The following EML6 variants were observed in gnomAD, a reference collection of about 807,000 sequenced individuals.
The protein encoded by EML6 is EMAP like 6.
EML6 carries 154 observed loss-of-function variants against 240.1 expected under a neutral mutation model. The ratio of observed to expected loss-of-function variants is 0.64; its 90% CI spans 0.56 to 0.73. EML6 has a LOEUF of 0.73. Ranked by LOEUF, EML6 falls within the 30% of genes least tolerant of loss-of-function variation. The pLI, the probability that EML6 is intolerant of heterozygous loss-of-function variation, is 0.00. For missense variants in EML6, 2,964 were observed against 2,474.6 expected (o/e 1.20, Z -4.20); for synonymous variants, 1,148 against 899.0 (o/e 1.28, Z -4.95).
Position 54,827,559 on chromosome 2 carries a change from A to G in EML6, c.526-7A>G, listed in dbSNP as rs1013330137. On this transcript the variant is annotated splice_region_variant and splice_polypyrimidine_tract_variant and intron_variant, in intron 5 of 41. Coordinates refer to ENST00000356458, the MANE Select transcript of EML6 (RefSeq NM_001039753.4). The stretch of plus-strand genomic sequence containing the variant: ...CTTGGAGATCTATTTTATCACTTAC[A>G]TTGTAGTTTTGGACACTGTGTGGAA... 11 of 1,550,094 alleles carry G rather than the reference A, an allele frequency of 7.1e-6. No individual in the cohort carries two copies. Among genetic ancestry groups the G allele is most frequent in the South Asian group, 2.4e-5 (2 of 84,012 alleles).
chr2:54,952,446 C>A (rs978891861), intron 30 of EML6, 148 bp from the exon 31 acceptor site: 1 of 571,822 alleles, frequency 1.7e-6, no homozygotes, highest in Non-Finnish European at 3.1e-6. Flanking sequence ...CCTTCATCTC[C>A]CCAAGTGTGA....
At chr2:54,845,697 G>C (rs1201645616) in intron 8 of EML6, among the ~76,000 whole-genome samples, 2 of 152,166 alleles carry the variant, frequency 1.3e-5, no homozygotes, top group African/African-American at 4.8e-5. Flanking sequence ...ATGCATGATG[G>C]ATGAGGTATT....
chr2:54,829,970 G>A (rs947477445), intron 7 of EML6, among the ~76,000 whole-genome samples: 4 of 152,120 alleles, frequency 2.6e-5, no homozygotes, highest in South Asian at 4.1e-4. Flanking sequence ...CTCAAATTTC[G>A]GGGCATCTGT....
At chr2:54,816,106 C>G (rs1014229253) in intron 3 of EML6, among the ~76,000 whole-genome samples, 4 of 152,174 alleles carry the variant, frequency 2.6e-5, no homozygotes, top group African/African-American at 9.7e-5. Context: ...ATAATACTTT[C>G]TCCTTATAAG....
intron 2 of EML6, among the ~76,000 whole-genome samples, chr2:54,743,958 A>C (rs1357319736): frequency 6.6e-6 from 1 of 152,154 alleles, no homozygotes; most frequent in African/African-American, 2.4e-5. Flanking sequence ...GGAAGAACCC[A>C]TTCTGGAAGA....
At chr2:54,825,522 C>T (rs1166204729) in intron 5 of EML6, among the ~76,000 whole-genome samples, 2 of 152,288 alleles carry the variant, frequency 1.3e-5, no homozygotes, top group Non-Finnish European at 2.9e-5. Flanking sequence ...CTTGGCTTCC[C>T]AAAGTGCTGG....
chr2:54,726,537 T>C (rs1178310904), intron 2 of EML6, among the ~76,000 whole-genome samples: 1 of 152,228 alleles, frequency 6.6e-6, no homozygotes, highest in Non-Finnish European at 1.5e-5. Flanking sequence ...CTTGACTTTT[T>C]TTGAAGATGG....
chr2:54,736,903 C>G (rs530302433), intron 2 of EML6, among the ~76,000 whole-genome samples: 1 of 152,284 alleles, frequency 6.6e-6, no homozygotes, highest in African/African-American at 2.4e-5. Flanking sequence ...GAGGGACATT[C>G]TACAATACAA....
chr2:54,968,770 T>C lies in EML6; in HGVS notation c.5852+2T>C, dbSNP rs1285097635. On this transcript the variant is annotated splice_donor_variant, in intron 41 of 41. Coordinates refer to ENST00000356458, the MANE Select transcript of EML6 (RefSeq NM_001039753.4). LOFTEE classifies it high-confidence loss of function. Reference sequence around the variant, plus strand: ...CAGCACTGGAGGAGACGACTGCAGGTACTAACGTAGCTGACCCAGTTCTTA... The same window carrying C: ...CAGCACTGGAGGAGACGACTGCAGGCACTAACGTAGCTGACCCAGTTCTTA... The C allele has an allele frequency of 6.7e-7, 1 of 1,499,378 alleles. No homozygotes were observed. Among genetic ancestry groups the C allele is most frequent in the Admixed American group, 2.0e-5 (1 of 50,930 alleles). The allele number at this position is 1,499,378 out of a possible 1,614,324, so 92.9% of individuals were successfully genotyped here. A position where few individuals can be genotyped will look rare whatever the true frequency, so the allele number is the denominator to read the frequency against.
intron 24 of EML6, among the ~76,000 whole-genome samples, chr2:54,907,938 AGATAGATAAGATAGATAGATAGAT>A (rs1487449342): frequency 0.062 from 3,569 of 57,956 alleles, 53 homozygotes; most frequent in African/African-American, 0.072. Context: ...ATAGATAGAT[AGATAGATAAGATAGATAGATAGAT>A]AGATAGATAG....
chr2:54,904,796 A>G (rs1673232084), intron 24 of EML6, among the ~76,000 whole-genome samples: 1 of 152,320 alleles, frequency 6.6e-6, no homozygotes, highest in South Asian at 2.1e-4. Context: ...GAGTTGGAGC[A>G]ATCAAATTAA....
chr2:54,885,672 C>T (rs1369825892), intron 17 of EML6, among the ~76,000 whole-genome samples: 1 of 152,060 alleles, frequency 6.6e-6, no homozygotes, highest in Non-Finnish European at 1.5e-5. Flanking sequence ...AGTGCAGTGG[C>T]GCTATCTCGG....
intron 2 of EML6, among the ~76,000 whole-genome samples, chr2:54,731,701 G>T (rs1287606133): frequency 6.6e-6 from 1 of 152,062 alleles, no homozygotes; most frequent in Non-Finnish European, 1.5e-5. Context: ...ACATTGCGCT[G>T]AACTATACTA....
chr2:54,845,181 C>G (rs1182802272), intron 8 of EML6, among the ~76,000 whole-genome samples: 4 of 152,190 alleles, frequency 2.6e-5, no homozygotes, highest in Non-Finnish European at 5.9e-5. Context: ...CCATCTCTAC[C>G]AAGCACGAAA....
At chr2:54,754,659 C>T (rs183894010) in intron 2 of EML6, among the ~76,000 whole-genome samples, 17 of 152,268 alleles carry the variant, frequency 1.1e-4, no homozygotes, top group Middle Eastern at 6.8e-3. Flanking sequence ...GATGATCAGA[C>T]ATTCTTTATT....
chr2:54,796,619 C>T (rs888556561), intron 2 of EML6, among the ~76,000 whole-genome samples: 2 of 151,776 alleles, frequency 1.3e-5, no homozygotes, highest in Admixed American at 6.6e-5. Context: ...CTTGCATACA[C>T]GAGCGCACAC....
intron 6 of EML6, 52 bp downstream of exon 6, chr2:54,827,803 C>T: frequency 2.4e-6 from 3 of 1,256,876 alleles, no homozygotes; most frequent in South Asian, 1.3e-5. Flanking sequence ...TAAGGTAAGA[C>T]CACGAATCCC....
At chr2:54,839,103 T>C (rs1336575222) in intron 7 of EML6, among the ~76,000 whole-genome samples, 3 of 152,198 alleles carry the variant, frequency 2.0e-5, no homozygotes, top group Non-Finnish European at 4.4e-5. Flanking sequence ...ACATTTCTGT[T>C]CTCTGGGTTT....
In EML6 at chr2:54,957,863, G is replaced by A. The variant is rs1197132920; in HGVS notation, c.4560G>A (p.Thr1520=). ...FVVEFRPDSD[T]QFVSVGVKHM... is the part of the protein sequence containing the mutation. ...TGGAATTTCGCCCCGACTCAGACAC[G>A]CAGTTTGTATCTGTCGGGGTCAAAC... The change falls in exon 33 of 42, where the codon ACG becomes ACA. Residue 1520 remains threonine, a synonymous_variant. Coordinates refer to ENST00000356458, the MANE Select transcript of EML6 (RefSeq NM_001039753.4). 25 of 1,551,134 alleles carry A rather than the reference G, an allele frequency of 1.6e-5. No homozygotes were observed. Among genetic ancestry groups the A allele is most frequent in the South Asian group, 2.4e-5 (2 of 84,040 alleles).
Sources: gnomAD v4.1 joint callset for allele counts (sites outside exome capture counted in the v4.1 genomes callset) on GRCh38, gnomAD v4.1.1 for gene constraint, MANE v1.5 for transcripts, NCBI Gene and HGNC (gene_info 2026-07-23, HGNC 2026-07-21) for gene names.